Variants in CHIA observed in about 807,000 individuals in gnomAD.
CHIA encodes acidic mammalian chitinase.
CHIA carries 47 observed loss-of-function variants against 53.5 expected under a neutral mutation model. The ratio of observed to expected loss-of-function variants is 0.88; its 90% CI spans 0.70 to 1.12. CHIA has a LOEUF of 1.12. Ranked by LOEUF, CHIA falls within the 50% of genes most tolerant of loss-of-function variation. CHIA has a pLI of 0.00. For synonymous variants in CHIA, 268 were observed against 222.2 expected, an observed-to-expected ratio of 1.21 and a Z score of -1.83; for missense variants, 652 against 592.2, an observed-to-expected ratio of 1.10 and a Z score of -1.05.
chr1:111,293,017 G>A (rs149443864), intron 1 of CHIA, among the ~76,000 whole-genome samples: 89 of 149,118 alleles, frequency 6.0e-4, no homozygotes, highest in Non-Finnish European at 8.9e-4. Flanking sequence ...GCATGTTTTA[G>A]CTATGGTGAG....
Position 111,320,269 on chromosome 1 carries a change from G to A in CHIA, c.1234G>A (p.Gly412Arg), listed in dbSNP as rs941237426. The A allele has an allele frequency of 6.2e-6, 10 of 1,614,090 alleles. No homozygotes were observed. Among genetic ancestry groups the A allele is most frequent in the Non-Finnish European group, 8.5e-6 (10 of 1,180,020 alleles). The change falls in exon 12 of 12, where the codon GGG (glycine) becomes AGG (arginine). Residue 412 changes from glycine to arginine, a missense_variant. Coordinates refer to ENST00000369740, the MANE Select transcript of CHIA (RefSeq NM_201653.4). ...EPITAAPSGS[G>R]NGSGSSSSGG... ...AATAACTGCTGCTCCCAGTGGCAGC[G>A]GGAACGGGAGCGGGAGTAGCAGCTC...
intron 6 of CHIA, 100 bp downstream of exon 6, chr1:111,315,535 A>T (rs1337778572): frequency 3.2e-6 from 4 of 1,232,100 alleles, no homozygotes; most frequent in African/African-American, 1.5e-5. Flanking sequence ...TTGAATTTAA[A>T]CTGATAGAAT....
chr1:111,319,509 C>T (rs1649478809), intron 11 of CHIA, 41 bp downstream of exon 11: 1 of 1,601,646 alleles, frequency 6.2e-7, no homozygotes, highest in Non-Finnish European at 8.5e-7. Flanking sequence ...ATAAATACCC[C>T]TTCTCCAACT....
In CHIA at chr1:111,290,956, T is replaced by C. The variant is rs1304153542; in HGVS notation, c.-69+6T>C. On this transcript the variant is annotated splice_donor_region_variant and intron_variant, in intron 1 of 11. Coordinates refer to ENST00000369740, the MANE Select transcript of CHIA (RefSeq NM_201653.4). ...GGTGAATCCTCCATAGTCTGGTGAG[T>C]GTAAATATATATATATCTTTTCCCT... 1 of 451,832 alleles carries C rather than the reference T, an allele frequency of 2.2e-6. No homozygotes were observed. The highest frequency in any genetic ancestry group is 2.0e-5 in the African/African-American group (1 of 49,366). 28.0% of individuals were successfully genotyped at this position (451,832 alleles called of 1,614,324 possible). A position where few individuals can be genotyped will look rare whatever the true frequency, so the allele number is the denominator to read the frequency against.
chr1:111,310,803 C>G (rs1013782017), intron 2 of CHIA, among the ~76,000 whole-genome samples: 1 of 152,182 alleles, frequency 6.6e-6, no homozygotes, highest in African/African-American at 2.4e-5. Flanking sequence ...TTTCTTTACT[C>G]TTCTTCCTAC....
At chr1:111,291,097 T>C (rs943038840) in intron 1 of CHIA, 147 bp downstream of exon 1, 1 of 304,138 alleles carries the variant, frequency 3.3e-6, no homozygotes, top group African/African-American at 2.2e-5. Flanking sequence ...TAAAGGTTGT[T>C]TACCCTTAAA....
At chr1:111,306,539 G>A (rs1181610097) in intron 1 of CHIA, among the ~76,000 whole-genome samples, 1 of 152,072 alleles carries the variant, frequency 6.6e-6, no homozygotes, top group East Asian at 1.9e-4. Flanking sequence ...TCAGAGTAGG[G>A]AGAAATTTTT....
intron 1 of CHIA, among the ~76,000 whole-genome samples, chr1:111,291,928 T>C (rs2101591952): frequency 6.6e-6 from 1 of 152,220 alleles, no homozygotes; most frequent in South Asian, 2.1e-4. Flanking sequence ...CAAGCCACCA[T>C]GGCACATGTT....
intron 1 of CHIA, among the ~76,000 whole-genome samples, chr1:111,302,862 T>G (rs188034323): frequency 1.3e-5 from 2 of 152,310 alleles, no homozygotes; most frequent in East Asian, 3.9e-4. Context: ...AGTTTCCAAC[T>G]ATCATTTATT....
chr1:111,316,210 T>C (rs1246934088), intron 6 of CHIA: 3 of 169,208 alleles, frequency 1.8e-5, no homozygotes, highest in African/African-American at 7.2e-5. Flanking sequence ...GCTGTGAAGT[T>C]GCATGAAGAA....
chr1:111,292,633 G>A (rs1300913598), intron 1 of CHIA, among the ~76,000 whole-genome samples: 1 of 152,048 alleles, frequency 6.6e-6, no homozygotes, highest in African/African-American at 2.4e-5. Flanking sequence ...GTACAGTTCG[G>A]TGGTACTAAA....
At chr1:111,315,732 A>C (rs1383908364) in intron 6 of CHIA, 1 of 482,228 alleles carries the variant, frequency 2.1e-6, no homozygotes, top group Non-Finnish European at 4.1e-6. Context: ...TTTATTTTAC[A>C]GATGAGGAAA....
At chr1:111,317,263 C>G (rs1649233051) in intron 6 of CHIA, 1 of 178,816 alleles carries the variant, frequency 5.6e-6, no homozygotes, top group Non-Finnish European at 1.2e-5. Flanking sequence ...TCCTTATTGG[C>G]CAATACACCA....
At chr1:111,306,918 T>G (rs758166435) in intron 1 of CHIA, among the ~76,000 whole-genome samples, 7 of 152,236 alleles carry the variant, frequency 4.6e-5, no homozygotes, top group Non-Finnish European at 8.8e-5. Flanking sequence ...TTTAGTCTGA[T>G]GATTAAGTTT....
intron 9 of CHIA, 140 bp from the exon 10 acceptor site, chr1:111,318,980 C>T (rs757998424): frequency 8.3e-5 from 100 of 1,211,234 alleles, no homozygotes; most frequent in Non-Finnish European, 1.1e-4. Context: ...GCAACTTGAT[C>T]CTCTTTACTA....
intron 1 of CHIA, among the ~76,000 whole-genome samples, chr1:111,307,653 T>C (rs1482185807): frequency 6.6e-6 from 1 of 151,832 alleles, no homozygotes; most frequent in Non-Finnish European, 1.5e-5. Context: ...TTTTTTTTTT[T>C]TTCTTGAGAT....
chr1:111,301,281 A>G (rs1457158859), intron 1 of CHIA, among the ~76,000 whole-genome samples: 1 of 152,182 alleles, frequency 6.6e-6, no homozygotes, highest in African/African-American at 2.4e-5. Context: ...ACATGCACAC[A>G]TATGTTTATT....
chr1:111,314,732 A>T (rs1463671004), intron 5 of CHIA, 136 bp downstream of exon 5: 5 of 600,700 alleles, frequency 8.3e-6, no homozygotes, highest in African/African-American at 1.9e-5. Context: ...TGAATTAAAT[A>T]TATTGCTACA....
intron 4 of CHIA, 96 bp downstream of exon 4, chr1:111,312,487 G>A: frequency 1.0e-6 from 1 of 975,422 alleles, no homozygotes; most frequent in South Asian, 1.4e-5. Context: ...ATGGATCTGA[G>A]ATGGGGACCA....
Sources: gnomAD v4.1 joint callset for allele counts (sites outside exome capture counted in the v4.1 genomes callset) on GRCh38, gnomAD v4.1.1 for gene constraint, MANE v1.5 for transcripts, NCBI Gene and HGNC (gene_info 2026-07-23, HGNC 2026-07-21) for gene names.